BTRC: variants seen among roughly 807,000 people sequenced by gnomAD.
The protein encoded by BTRC is F-box/WD repeat-containing protein 1A.
BTRC carries 42 observed loss-of-function variants against 85.5 expected under a neutral mutation model. That is an observed-to-expected ratio of 0.49 (90% CI 0.38 to 0.64). The LOEUF (loss-of-function observed/expected upper bound fraction) is 0.64, where lower values mean the gene tolerates loss of function less well. Ranked by LOEUF, BTRC falls within the 30% of genes least tolerant of loss-of-function variation. The pLI, the probability that BTRC is intolerant of heterozygous loss-of-function variation, is 0.00. For synonymous variants in BTRC, 255 were observed against 263.3 expected (o/e 0.97, Z 0.30); for missense variants, 594 against 743.5 (o/e 0.80, Z 2.34).
chr10:101,389,569 C>A (rs1188768176), intron 1 of BTRC, among the ~76,000 whole-genome samples: 1 of 142,984 alleles, frequency 7.0e-6, no homozygotes, highest in Non-Finnish European at 1.5e-5. Flanking sequence ...TACTCCCAGT[C>A]TTCAGTTACA....
rs576202585 is a variant in BTRC at position 101,497,905 on chromosome 10, A to G, written c.324+18448A>G. On this transcript the variant is annotated intron_variant, in intron 4 of 14. Transcript: ENST00000370187. ...CATGGTGGCACGTGCCTGTAGTCCA[A>G]GCTACTCAGGAGGCTGAGGCAGGAG... 1.5e-3 allele frequency among the ~76,000 whole-genome samples: 231 copies of G among 152,050 alleles called. 2 individuals are homozygous for G. The highest frequency in any genetic ancestry group is 5.4e-3 in the African/African-American group (222 of 41,456).
At chr10:101,417,446 C>T (rs10883647) in intron 1 of BTRC, among the ~76,000 whole-genome samples, 54,525 of 151,994 alleles carry the variant, frequency 0.36, 10,930 homozygotes, top group Middle Eastern at 0.48. Flanking sequence ...ACAGGAATAT[C>T]ACAGAGGTGA....
chr10:101,479,161 A>G lies in BTRC; in HGVS notation c.235-207A>G, dbSNP rs369034048. Among the ~76,000 whole-genome samples, 243 of 152,250 alleles carry G rather than the reference A, an allele frequency of 1.6e-3. 1 individual carries two copies. The highest frequency in any genetic ancestry group is 2.5e-3 in the Non-Finnish European group (173 of 68,016). On this transcript the variant is annotated intron_variant, in intron 3 of 14. Transcript: ENST00000370187. ...ATACAGTGAAGCCACTGCTGCTTAC[A>G]TACTTGTTCATGGGCACATCAGTGG...
chr10:101,404,750 G>A (rs902618156), intron 1 of BTRC, among the ~76,000 whole-genome samples: 2 of 152,150 alleles, frequency 1.3e-5, no homozygotes, highest in Non-Finnish European at 2.9e-5. Context: ...TGTAATCCCA[G>A]CACTTTGGGA....
At chr10:101,368,903 C>T (rs1341900642) in intron 1 of BTRC, among the ~76,000 whole-genome samples, 1 of 152,080 alleles carries the variant, frequency 6.6e-6, no homozygotes, top group African/African-American at 2.4e-5. Flanking sequence ...CCTGTAATCC[C>T]AGCTACTCAG....
chr10:101,397,907 T>C (rs1339954972), intron 1 of BTRC, among the ~76,000 whole-genome samples: 2 of 152,244 alleles, frequency 1.3e-5, no homozygotes, highest in East Asian at 3.8e-4. Context: ...TTTCAAACTT[T>C]CTCTGTAATC....
At chr10:101,509,085 G>T (rs6584427) in intron 4 of BTRC, among the ~76,000 whole-genome samples, 151,872 of 152,038 alleles carry the variant, frequency 1, 75,853 homozygotes, top group Middle Eastern at 1. Context: ...CTAGCCCTTC[G>T]GGGTTCCTTT....
At chr10:101,414,125 C>T (rs56407219) in intron 1 of BTRC, among the ~76,000 whole-genome samples, 33 of 152,272 alleles carry the variant, frequency 2.2e-4, no homozygotes, top group African/African-American at 7.0e-4. Flanking sequence ...AACAACTCCC[C>T]ATTACCCATC....
chr10:101,496,695 C>T (rs963135037), intron 4 of BTRC, among the ~76,000 whole-genome samples: 4 of 152,084 alleles, frequency 2.6e-5, no homozygotes, highest in Non-Finnish European at 5.9e-5. Flanking sequence ...TTTCTCTGAA[C>T]ACTATTAAAA....
chr10:101,365,040 ATTCTTT>A (rs1374497495), intron 1 of BTRC: 2 of 151,722 alleles, frequency 1.3e-5, no homozygotes, highest in Non-Finnish European at 2.9e-5. Context: ...AGTGATTTTA[ATTCTTT>A]TTCTTTTTTT....
chr10:101,369,586 G>A (rs1208131846), intron 1 of BTRC, among the ~76,000 whole-genome samples: 1 of 152,118 alleles, frequency 6.6e-6, no homozygotes, highest in South Asian at 2.1e-4. Flanking sequence ...GTTTCTTTTA[G>A]TAGAGAATGA....
In BTRC at chr10:101,550,835, G is replaced by A. The variant is rs202110950; in HGVS notation, c.1793G>A (p.Arg598Gln). The A allele has an allele frequency of 1.5e-4, 243 of 1,613,736 alleles. No individual in the cohort carries two copies. The East Asian group carries it at 3.5e-3, about 23-fold the overall frequency. Reference sequence around the variant, plus strand: ...GCTGAACCCCCCCGTTCCCCTTCTCGAACATACACCTACATCTCCAGATAA... The same window carrying A: ...GCTGAACCCCCCCGTTCCCCTTCTCAAACATACACCTACATCTCCAGATAA... ...AQAEPPRSPS[R>Q]TYTYISR Residue 598 changes from arginine to glutamine, a missense_variant, in exon 14 of 15, where the codon CGA becomes CAA. Physicochemically the swap from Arg to Gln is conservative, Grantham distance 43. Transcript: ENST00000370187.
chr10:101,516,730 A>T (rs2062029435), intron 4 of BTRC, among the ~76,000 whole-genome samples: 1 of 152,206 alleles, frequency 6.6e-6, no homozygotes, highest in Non-Finnish European at 1.5e-5. Context: ...TTTACCTAAC[A>T]GTCTGATAGC....
At chr10:101,419,965 A>G (rs1390394114) in intron 1 of BTRC, among the ~76,000 whole-genome samples, 1 of 152,002 alleles carries the variant, frequency 6.6e-6, no homozygotes, top group Non-Finnish European at 1.5e-5. Context: ...GGAGAGTGAT[A>G]TTTTGAATCA....
chr10:101,358,358 G>A (rs560722946), intron 1 of BTRC, among the ~76,000 whole-genome samples: 1 of 152,226 alleles, frequency 6.6e-6, no homozygotes, highest in Non-Finnish European at 1.5e-5. Flanking sequence ...TCCTGCCTTG[G>A]CCTCCCATTG....
At chr10:101,540,212 A>G (rs2062445679) in intron 13 of BTRC, among the ~76,000 whole-genome samples, 1 of 152,220 alleles carries the variant, frequency 6.6e-6, no homozygotes, top group Admixed American at 6.5e-5. Context: ...CAGAGTCACA[A>G]GGATTTTTCC....
intron 3 of BTRC, among the ~76,000 whole-genome samples, chr10:101,475,711 T>C (rs1564795464): frequency 6.6e-6 from 1 of 151,464 alleles, no homozygotes; most frequent in Non-Finnish European, 1.5e-5. Flanking sequence ...TATAAACAAA[T>C]GAGTAAATAA....
intron 2 of BTRC, among the ~76,000 whole-genome samples, chr10:101,460,683 G>T (rs545517895): frequency 6.6e-6 from 1 of 152,198 alleles, no homozygotes; most frequent in African/African-American, 2.4e-5. Flanking sequence ...TTATCTCTCA[G>T]TATCTTTCAA....
At chr10:101,420,172 T>C (rs1004036012) in intron 1 of BTRC, among the ~76,000 whole-genome samples, 3 of 152,172 alleles carry the variant, frequency 2.0e-5, no homozygotes, top group African/African-American at 7.2e-5. Flanking sequence ...CAATGTAATA[T>C]TCATTCTAGT....
Sources: allele counts gnomAD v4.1 joint callset (sites outside exome capture counted in the v4.1 genomes callset), GRCh38; gene constraint gnomAD v4.1.1; transcripts MANE v1.5; gene names NCBI Gene and HGNC (gene_info 2026-07-23, HGNC 2026-07-21).